Variants in STRN4 observed in about 807,000 individuals in gnomAD.
STRN4 encodes striatin-4.
A neutral mutation model predicts 77.9 loss-of-function variants in STRN4; 27 were observed. That is an observed-to-expected ratio of 0.35 (90% CI 0.26 to 0.48). STRN4 has a LOEUF of 0.48. Ranked by LOEUF, STRN4 falls within the 20% of genes least tolerant of loss-of-function variation. STRN4 has a pLI of 0.99. For missense variants in STRN4, 798 were observed against 1,049.7 expected (o/e 0.76, Z 3.31); for synonymous variants, 466 against 443.1 (o/e 1.05, Z -0.65).
At position 46,733,141 on chromosome 19, in the gene STRN4, G is replaced by A; in HGVS notation, c.635C>T (p.Ala212Val). 1 of 1,612,324 alleles carries A rather than the reference G, an allele frequency of 6.2e-7. No homozygotes were observed. The highest frequency in any genetic ancestry group is 8.5e-7 in the Non-Finnish European group (1 of 1,179,984). The change falls in exon 5 of 18, where the codon GCA becomes GTA. Residue 212 changes from alanine to valine, a missense_variant. This residue lies in a region of STRN4 where 511 missense variants were observed against 575.9 expected (regional missense o/e 0.89). Coordinates refer to ENST00000263280, the MANE Select transcript of STRN4 (RefSeq NM_013403.3). The surrounding 1 kb of genome is among the most constrained non-coding windows in gnomAD (Gnocchi z 4.3). ...GGGGGCCCCTTCACTCGGCTCCACTGCCCCGTTGAGCTCCAGCGAGCGGCC... is the reference window on the plus strand; with the variant it reads ...GGGGGCCCCTTCACTCGGCTCCACTACCCCGTTGAGCTCCAGCGAGCGGCC... Reference protein sequence around the residue: ...LLGRSLELNGAVEPSEGAPRA... With the variant: ...LLGRSLELNGVVEPSEGAPRA...
chr19:46,728,805 C>A, intron 6 of STRN4, 28 bp from the exon 7 acceptor site: 1 of 1,612,304 alleles, frequency 6.2e-7, no homozygotes, highest in South Asian at 1.1e-5. Context: ...CCAGACAAGT[C>A]AGGGGGCCTC....
intron 9 of STRN4, among the ~76,000 whole-genome samples, chr19:46,727,150 C>A (rs1349976667): frequency 6.6e-6 from 1 of 152,216 alleles, no homozygotes; most frequent in Non-Finnish European, 1.5e-5. Flanking sequence ...TGCCCATTCA[C>A]ACTAGATTGG....
At chr19:46,732,969 ACT>A in intron 5 of STRN4, 68 bp downstream of exon 5, 1 of 1,533,856 alleles carries the variant, frequency 6.5e-7, no homozygotes, top group South Asian at 1.2e-5. Context: ...ATCAGCTGAC[ACT>A]CTGACCCTGG....
chr19:46,738,897 G>A lies in STRN4; in HGVS notation c.283-9C>T, dbSNP rs2054422008. On this transcript the variant is annotated splice_polypyrimidine_tract_variant and intron_variant, in intron 1 of 17. Coordinates refer to ENST00000263280, the MANE Select transcript of STRN4 (RefSeq NM_013403.3). This position sits in a 1 kb window ranked among gnomAD's most constrained non-coding sequence, Gnocchi z 4.5. ...AGGAAGGCCACCTGAGCCTGGGAGG[G>A]CAGACAGGAGGCAAAGGGAGATAAT... The A allele has an allele frequency of 4.3e-6, 7 of 1,611,672 alleles. No individual in the cohort carries two copies. Among genetic ancestry groups the A allele is most frequent in the Non-Finnish European group, 5.1e-6 (6 of 1,178,614 alleles).
chr19:46,725,244 C>A (rs1385379347), intron 11 of STRN4, 88 bp downstream of exon 11: 4 of 1,579,472 alleles, frequency 2.5e-6, no homozygotes, highest in East Asian at 2.2e-5. Context: ...TGCCTCCTGC[C>A]GTGGGCCTCC....
chr19:46,726,010 GCCTGC>G (rs2054104586), intron 9 of STRN4: 1 of 198,170 alleles, frequency 5.0e-6, no homozygotes, highest in Non-Finnish European at 1.0e-5. Context: ...ACATCAGGCA[GCCTGC>G]CCTCCTCCCT....
rs1297328922 is a variant in STRN4, at chr19:46,733,271, C to T, written c.540-35G>A. 1 of 1,593,002 alleles carries T rather than the reference C, an allele frequency of 6.3e-7. No individual in the cohort carries two copies. ...TGCAGAGCCACGTGGGTCAGACATC[C>T]CCTGGGCTTCTTCATGTACCACAGG... On this transcript the variant is annotated intron_variant, in intron 4 of 17. Transcript: ENST00000263280. The surrounding 1 kb of genome is among the most constrained non-coding windows in gnomAD (Gnocchi z 4.3).
At chr19:46,725,040 G>A (rs1028889223) in intron 11 of STRN4, 112 bp from the exon 12 acceptor site, 20 of 1,497,750 alleles carry the variant, frequency 1.3e-5, no homozygotes, top group Non-Finnish European at 1.8e-5. Context: ...AAGGAATTCA[G>A]TGACTGGGGC....
chr19:46,724,044 T>C (rs1302822202), intron 12 of STRN4, among the ~76,000 whole-genome samples: 1 of 151,866 alleles, frequency 6.6e-6, no homozygotes, highest in Non-Finnish European at 1.5e-5. Flanking sequence ...GGTCCGGAGT[T>C]CAAGACCAGC....
At chr19:46,725,851 C>A (rs541585094) in intron 9 of STRN4, 2 of 665,210 alleles carry the variant, frequency 3.0e-6, no homozygotes, top group African/African-American at 1.8e-5. Flanking sequence ...CCCCACACTG[C>A]GCTGGGTTCT....
chr19:46,735,650 AAT>A (rs2054343902), intron 4 of STRN4, among the ~76,000 whole-genome samples: 1 of 151,768 alleles, frequency 6.6e-6, no homozygotes, highest in Non-Finnish European at 1.5e-5. Flanking sequence ...AAAATGCACA[AAT>A]CTCTTCAGCA....
intron 7 of STRN4, 62 bp from the exon 8 acceptor site, chr19:46,728,069 G>A (rs1377282634): frequency 2.7e-6 from 4 of 1,476,732 alleles, no homozygotes; most frequent in Admixed American, 1.9e-5. Flanking sequence ...TGGCATAGGT[G>A]ACGCCTTCCC....
In STRN4 at chr19:46,725,318, G is replaced by A; in HGVS notation, c.1472+14C>T. ...TAGGACGAGTTTCTAGCAGGCTCAG[G>A]GGCACCTCCCTACCTGTGAGCCCGG... On this transcript the variant is annotated intron_variant, in intron 11 of 17. Coordinates refer to ENST00000263280, the MANE Select transcript of STRN4 (RefSeq NM_013403.3). 6.2e-7 allele frequency: 1 copy of A among 1,614,110 alleles called. No individual in the cohort carries two copies. The highest frequency in any genetic ancestry group is 1.1e-5 in the South Asian group (1 of 91,082).
intron 9 of STRN4, among the ~76,000 whole-genome samples, chr19:46,726,926 C>T (rs2054130816): frequency 6.6e-6 from 1 of 152,162 alleles, no homozygotes. Flanking sequence ...CTTCTCAGGC[C>T]TCTGCTCTGA....
intron 5 of STRN4, 182 bp from the exon 6 acceptor site, chr19:46,731,055 A>G (rs2054239560): frequency 3.7e-6 from 3 of 817,882 alleles, no homozygotes; most frequent in Admixed American, 5.8e-5. Flanking sequence ...ACAAATGCTC[A>G]TTCCAACTGG....
chr19:46,746,387 G>T lies in STRN4; in HGVS notation c.44C>A (p.Ser15Tyr), dbSNP rs1321506879. The T allele has an allele frequency of 1.8e-6, 2 of 1,097,590 alleles. No homozygotes were observed. The highest frequency in any genetic ancestry group is 2.2e-6 in the Non-Finnish European group (2 of 904,558). The allele number at this position is 1,097,590 out of a possible 1,614,324, so 68.0% of individuals were successfully genotyped here. A position where few individuals can be genotyped will look rare whatever the true frequency, so the allele number is the denominator to read the frequency against. ...GCCTGAGCCGAGCGGACGGCAGGAG[G>T]AGGCGGCGGCGGCGACCGCGGCGGC... ...RAAAAVAAAA[S>Y]SCRPLGSGAG... Residue 15 changes from serine (S) to tyrosine (Y), a missense_variant, in exon 1 of 18, where the codon TCC becomes TAC. Ser to Tyr is a moderately radical substitution (Grantham distance 144). Around this residue, in one of 2 missense-constraint regions of STRN4, gnomAD observed 511 missense variants for 575.9 expected, o/e 0.89. Transcript: ENST00000263280.
chr19:46,731,088 G>A (rs2054240574), intron 5 of STRN4, among the ~76,000 whole-genome samples: 2 of 152,134 alleles, frequency 1.3e-5, no homozygotes, highest in South Asian at 2.1e-4. Flanking sequence ...GACCGCAAAC[G>A]GGGCCCAGCT....
At chr19:46,744,293 T>C (rs543496645) in intron 1 of STRN4, among the ~76,000 whole-genome samples, 1 of 152,260 alleles carries the variant, frequency 6.6e-6, no homozygotes, top group African/African-American at 2.4e-5. Context: ...AGCAGTTACA[T>C]AAGGATTCTG....
At position 46,721,878 on chromosome 19, in the gene STRN4, C is replaced by T. The variant is rs1599856043; in HGVS notation, c.2092+108G>A. On this transcript the variant is annotated intron_variant, in intron 16 of 17. Transcript: ENST00000263280. The stretch of plus-strand genomic sequence containing the variant: ...CGGTCATTCCCGCCCAGACCAGCCT[C>T]CCCCAGCCCTGGCCCCCGGGGCCCC... 1.6e-5 allele frequency: 19 copies of T among 1,213,942 alleles called. No individual in the cohort carries two copies. The South Asian group carries it at 1.9e-4, about 12-fold the overall frequency. 75.2% of individuals were successfully genotyped at this position (1,213,942 alleles called of 1,614,324 possible).
Sources: allele counts gnomAD v4.1 joint callset (sites outside exome capture counted in the v4.1 genomes callset), GRCh38; gene constraint gnomAD v4.1.1; regional missense constraint gnomAD v4.1.1; non-coding constraint Gnocchi (gnomAD v3.1); transcripts MANE v1.5; gene names NCBI Gene and HGNC (gene_info 2026-07-23, HGNC 2026-07-21).